Variants in ASTN2 observed in about 807,000 individuals in gnomAD.
ASTN2 encodes astrotactin 2, also known as astrotactin-2.
A neutral mutation model predicts 139.8 loss-of-function variants in ASTN2; 54 were observed. The observed-to-expected ratio is 0.39, with a 90% CI of 0.31 to 0.48. The LOEUF (loss-of-function observed/expected upper bound fraction) is 0.48. ASTN2 is among the 20% of genes least tolerant of loss of function. The pLI is 0.95. For missense variants in ASTN2, 1,565 were observed against 1,725.1 expected (o/e 0.91, Z 1.64); for synonymous variants, 756 against 719.5 (o/e 1.05, Z -0.81).
intron 2 of ASTN2, among the ~76,000 whole-genome samples, chr9:117,266,419 A>AT (rs1179952806): frequency 6.6e-6 from 1 of 152,164 alleles, no homozygotes; most frequent in Non-Finnish European, 1.5e-5. Flanking sequence ...GAAAAAAAAA[A>AT]TTGGCAAGTT....
intron 5 of ASTN2, among the ~76,000 whole-genome samples, chr9:117,049,861 A>C (rs1838863959): frequency 3.3e-5 from 5 of 152,220 alleles, no homozygotes; most frequent in Admixed American, 3.3e-4. Flanking sequence ...CATTAGTGGA[A>C]GGAAAAAGAT....
chr9:116,888,735 G>A (rs182577145), intron 10 of ASTN2, among the ~76,000 whole-genome samples: 1 of 152,136 alleles, frequency 6.6e-6, no homozygotes, highest in Admixed American at 6.5e-5. Flanking sequence ...ACATGTGCAG[G>A]ACATGTAGGT....
intron 1 of ASTN2, among the ~76,000 whole-genome samples, chr9:117,346,483 C>A (rs1446021422): frequency 6.6e-6 from 1 of 152,170 alleles, no homozygotes; most frequent in Non-Finnish European, 1.5e-5. Flanking sequence ...ACTCCTAACA[C>A]ACTCACCTGT....
intron 1 of ASTN2, among the ~76,000 whole-genome samples, chr9:117,356,928 TGG>T (rs1829555367): frequency 6.6e-6 from 1 of 151,702 alleles, no homozygotes; most frequent in Non-Finnish European, 1.5e-5. Context: ...CCGGGTCTGG[TGG>T]GCGCATGCCT....
At chr9:116,877,670 G>C (rs1460548038) in intron 10 of ASTN2, among the ~76,000 whole-genome samples, 1 of 152,100 alleles carries the variant, frequency 6.6e-6, no homozygotes, top group Admixed American at 6.5e-5. Flanking sequence ...CTGTGGTATG[G>C]TGAGGTTTCA....
chr9:116,511,162 T>C (rs1321480078), intron 19 of ASTN2, among the ~76,000 whole-genome samples: 1 of 152,158 alleles, frequency 6.6e-6, no homozygotes, highest in Admixed American at 6.6e-5. Context: ...CTCTTATTAT[T>C]TTGAGATACG....
At chr9:117,041,055 G>A (rs180880145) in intron 5 of ASTN2, among the ~76,000 whole-genome samples, 24 of 152,210 alleles carry the variant, frequency 1.6e-4, no homozygotes, top group Non-Finnish European at 1.5e-5. Context: ...AGAGAGTACG[G>A]GGGGTGGTTT....
chr9:117,060,364 A>G (rs550128394), intron 5 of ASTN2, among the ~76,000 whole-genome samples: 3 of 67,710 alleles, frequency 4.4e-5, no homozygotes, highest in African/African-American at 1.7e-4. Context: ...GAAAGAAAGA[A>G]AGAAAGAAAG....
chr9:117,381,786 A>C (rs950152014), intron 1 of ASTN2, among the ~76,000 whole-genome samples: 2 of 152,160 alleles, frequency 1.3e-5, no homozygotes, highest in African/African-American at 4.8e-5. Flanking sequence ...AAAACCACTA[A>C]ATTTTACACC....
At chr9:116,843,848 C>T (rs1832345621) in intron 11 of ASTN2, among the ~76,000 whole-genome samples, 1 of 152,136 alleles carries the variant, frequency 6.6e-6, no homozygotes, top group Admixed American at 6.5e-5. Context: ...ATCAATTGTA[C>T]TGCAAACCTC....
At chr9:116,643,315 T>A (rs1015728378) in intron 17 of ASTN2, among the ~76,000 whole-genome samples, 2 of 152,226 alleles carry the variant, frequency 1.3e-5, no homozygotes, top group African/African-American at 4.8e-5. Flanking sequence ...GACCGGGGTT[T>A]GGCAAACCTT....
At chr9:116,842,378 A>G (rs1832287664) in intron 11 of ASTN2, among the ~76,000 whole-genome samples, 2 of 152,200 alleles carry the variant, frequency 1.3e-5, no homozygotes, top group African/African-American at 4.8e-5. Flanking sequence ...TACTCATTTT[A>G]CAGGCAAGGT....
At chr9:116,688,437 G>C (rs1860385881) in intron 16 of ASTN2, among the ~76,000 whole-genome samples, 1 of 152,118 alleles carries the variant, frequency 6.6e-6, no homozygotes, top group Non-Finnish European at 1.5e-5. Flanking sequence ...GGACCTAAAA[G>C]TAATGTATGA....
chr9:116,619,266 C>G (rs1367980398), intron 18 of ASTN2, among the ~76,000 whole-genome samples: 1 of 152,056 alleles, frequency 6.6e-6, no homozygotes, highest in Non-Finnish European at 1.5e-5. Context: ...CACCACTTCT[C>G]CCTCTTAATC....
intron 20 of ASTN2, among the ~76,000 whole-genome samples, chr9:116,484,751 C>G (rs989620421): frequency 6.6e-6 from 1 of 151,986 alleles, no homozygotes; most frequent in Non-Finnish European, 1.5e-5. Flanking sequence ...ATTTCCAGGA[C>G]AGAGGAAGAA....
intron 3 of ASTN2, among the ~76,000 whole-genome samples, chr9:117,153,629 A>G (rs537872372): frequency 3.9e-5 from 6 of 152,230 alleles, no homozygotes; most frequent in African/African-American, 1.4e-4. Flanking sequence ...TTTAGGGCTT[A>G]TTTTGCAGTG....
At chr9:117,280,138 C>T (rs1054188938) in intron 2 of ASTN2, among the ~76,000 whole-genome samples, 9 of 152,094 alleles carry the variant, frequency 5.9e-5, no homozygotes, top group Non-Finnish European at 8.8e-5. Flanking sequence ...TTGTAGAATG[C>T]CCATCATTGG....
intron 1 of ASTN2, among the ~76,000 whole-genome samples, chr9:117,323,201 T>C (rs1828391237): frequency 6.6e-6 from 1 of 152,074 alleles, no homozygotes; most frequent in Admixed American, 6.6e-5. Flanking sequence ...AGAGATACCA[T>C]GAAAAGAACA....
At chr9:117,144,121 C>T (rs1034245093) in intron 3 of ASTN2, among the ~76,000 whole-genome samples, 2 of 152,164 alleles carry the variant, frequency 1.3e-5, no homozygotes. Flanking sequence ...AAAGACCCCA[C>T]TCTCTTTCTA....
Sources: gnomAD v4.1 joint callset for allele counts (sites outside exome capture counted in the v4.1 genomes callset) on GRCh38, gnomAD v4.1.1 for gene constraint, MANE v1.5 for transcripts, NCBI Gene and HGNC (gene_info 2026-07-23, HGNC 2026-07-21) for gene names.